The following HIF3A variants were observed in gnomAD, a reference collection of about 807,000 sequenced individuals.
HIF3A encodes hypoxia inducible factor 3 subunit alpha.
Under a neutral mutation model 67.2 loss-of-function variants are expected in HIF3A, and 41 were observed. The ratio of observed to expected loss-of-function variants is 0.61; its 90% CI spans 0.48 to 0.79. The LOEUF is 0.79. HIF3A is among the 30% of genes least tolerant of loss of function. The pLI is 0.00. For synonymous variants in HIF3A, 356 were observed against 374.8 expected (o/e 0.95, Z 0.58); for missense variants, 855 against 898.0 (o/e 0.95, Z 0.61).
rs1403618994 is a variant in HIF3A, at chr19:46,332,396, C to T, written c.1830+1123C>T. 3.3e-5 allele frequency among the ~76,000 whole-genome samples: 5 copies of T among 151,844 alleles called. No homozygotes were observed. In the East Asian group the frequency reaches 5.8e-4, roughly 18 times the overall value. ...AAAAAAAAAAAAATTAAAATTTAAG[C>T]GGGTGTGGTGGCATGTGCCTGTAGT... On this transcript the variant is annotated intron_variant, in intron 13 of 14. Coordinates refer to ENST00000377670, the MANE Select transcript of HIF3A (RefSeq NM_152795.4).
intron 7 of HIF3A, 63 bp downstream of exon 7, chr19:46,312,330 A>AC (rs1449235057): frequency 1.2e-6 from 2 of 1,611,668 alleles, no homozygotes; most frequent in African/African-American, 1.3e-5. Flanking sequence ...TGACACCAGG[A>AC]CCCCCCAGCT....
At chr19:46,333,253 G>A (rs914129493) in intron 13 of HIF3A, among the ~76,000 whole-genome samples, 2 of 152,122 alleles carry the variant, frequency 1.3e-5, no homozygotes, top group African/African-American at 4.8e-5. Flanking sequence ...CACACTCAGA[G>A]GGAGTGTTGA....
At chr19:46,328,896 CT>C (rs1182634242) in intron 11 of HIF3A, among the ~76,000 whole-genome samples, 1 of 151,900 alleles carries the variant, frequency 6.6e-6, no homozygotes, top group Non-Finnish European at 1.5e-5. Context: ...AATTTTTTTC[CT>C]TTTTTGTGTA....
intron 6 of HIF3A, among the ~76,000 whole-genome samples, chr19:46,309,757 G>A (rs577468887): frequency 1.1e-3 from 170 of 152,112 alleles, no homozygotes; most frequent in Admixed American, 3.3e-3. Flanking sequence ...GTGTCAAGCA[G>A]TTAATATGGT....
chr19:46,301,040 A>G (rs1968285070), intron 1 of HIF3A, among the ~76,000 whole-genome samples: 1 of 151,926 alleles, frequency 6.6e-6, no homozygotes, highest in African/African-American at 2.4e-5. Context: ...GGGCAGGAAG[A>G]CAAACAGGGC....
At chr19:46,304,999 C>T in intron 2 of HIF3A, 1 of 616,034 alleles carries the variant, frequency 1.6e-6, no homozygotes, top group Non-Finnish European at 2.9e-6. Flanking sequence ...GAATTCTGTT[C>T]CCTTGGGAGA....
chr19:46,339,728 T>C lies in HIF3A; in HGVS notation c.*106T>C. 1 of 717,112 alleles carries C rather than the reference T, an allele frequency of 1.4e-6. No homozygotes were observed. Among genetic ancestry groups the C allele is most frequent in the Non-Finnish European group, 2.2e-6 (1 of 452,292 alleles). 44.4% of individuals were successfully genotyped at this position (717,112 alleles called of 1,614,324 possible). A position where few individuals can be genotyped will look rare whatever the true frequency, so the allele number is the denominator to read the frequency against. ...ATGGGGGCGCCAGGAGAGGGGCCCC[T>C]CTCTCCTCTATGTACCCCCTGCCCA... is the stretch of plus-strand genomic sequence containing the variant. On this transcript the variant is annotated 3_prime_UTR_variant, in exon 15 of 15. Coordinates refer to ENST00000377670, the MANE Select transcript of HIF3A (RefSeq NM_152795.4).
At chr19:46,318,020 G>A (rs572634592) in intron 8 of HIF3A, among the ~76,000 whole-genome samples, 2 of 152,096 alleles carry the variant, frequency 1.3e-5, no homozygotes, top group South Asian at 4.2e-4. Context: ...ATTTTTAGTA[G>A]AGATGGGGTT....
chr19:46,331,461 A>G, intron 13 of HIF3A, 188 bp downstream of exon 13: 1 of 305,186 alleles, frequency 3.3e-6, no homozygotes, highest in Non-Finnish European at 6.5e-6. Context: ...CTCTGCAGTG[A>G]ACTGAGATTG....
At chr19:46,312,914 G>A (rs150647253) in intron 8 of HIF3A, 85 of 824,062 alleles carry the variant, frequency 1.0e-4, no homozygotes, top group East Asian at 2.4e-4. Context: ...TTTTTTTTGC[G>A]TGAACCTCTG....
intron 6 of HIF3A, among the ~76,000 whole-genome samples, chr19:46,311,559 C>G (rs1212603464): frequency 3.9e-5 from 6 of 152,156 alleles, no homozygotes; most frequent in Non-Finnish European, 1.5e-5. Context: ...ATCCATCTCC[C>G]TATCTCAAGA....
Position 46,312,307 on chromosome 19 carries a change from C to T in HIF3A, c.877+40C>T, listed in dbSNP as rs768560350. On this transcript the variant is annotated intron_variant, in intron 7 of 14. Transcript: ENST00000377670. ...TCCCCAGGTGCGAAGCCAGCTGCCA[C>T]ATGGCCCCCAGCTGACACCAGGACC... 8 of 1,613,692 alleles carry T rather than the reference C, an allele frequency of 5.0e-6. No individual in the cohort carries two copies. The African/African-American group carries it at 1.1e-4, about 22-fold the overall frequency.
intron 8 of HIF3A, 73 bp downstream of exon 8, chr19:46,312,726 T>TGTGTGTGTGC: frequency 1.3e-6 from 2 of 1,508,042 alleles, no homozygotes; most frequent in South Asian, 2.7e-5. Context: ...TGTGTGTGTG[T>TGTGTGTGTGC]GTGTGTGTGT....
intron 9 of HIF3A, among the ~76,000 whole-genome samples, chr19:46,321,199 G>A (rs1675036807): frequency 6.6e-6 from 1 of 152,270 alleles, no homozygotes; most frequent in South Asian, 2.1e-4. Flanking sequence ...TAAGGTGAAA[G>A]CTCCCCAGAG....
At chr19:46,329,675 G>A (rs1427934161) in intron 12 of HIF3A, among the ~76,000 whole-genome samples, 197 bp downstream of exon 12, 1 of 152,166 alleles carries the variant, frequency 6.6e-6, no homozygotes, top group Non-Finnish European at 1.5e-5. Flanking sequence ...CTTCTGGAGT[G>A]CCCTCCACTG....
intron 1 of HIF3A, among the ~76,000 whole-genome samples, chr19:46,301,547 C>T (rs993151464): frequency 2.0e-5 from 3 of 152,148 alleles, no homozygotes; most frequent in Non-Finnish European, 4.4e-5. Context: ...CCCCCTCCGC[C>T]GGGCATGGTG....
In HIF3A at chr19:46,329,480, T is replaced by A. The variant is rs1328055589; in HGVS notation, c.1712+2T>A. 6.6e-7 allele frequency: 1 copy of A among 1,508,290 alleles called. No individual in the cohort carries two copies. The highest frequency in any genetic ancestry group is 8.9e-7 in the Non-Finnish European group (1 of 1,128,116). 93.4% of individuals were successfully genotyped at this position (1,508,290 alleles called of 1,614,324 possible). A position where few individuals can be genotyped will look rare whatever the true frequency, so the allele number is the denominator to read the frequency against. ...TCCCATGGCTGGGGCTCGGAAGAGG[T>A]GAGCCACAGTAAAGGGGGGACATCA... On this transcript the variant is annotated splice_donor_variant, in intron 12 of 14. Transcript: ENST00000377670. LOFTEE classifies it high-confidence loss of function.
chr19:46,312,711 AGGT>A, intron 8 of HIF3A, 58 bp downstream of exon 8: 1 of 1,048,552 alleles, frequency 9.5e-7, no homozygotes, highest in East Asian at 2.8e-5. Flanking sequence ...ATGTGTGGAC[AGGT>A]GTGTGTGTGT....
intron 8 of HIF3A, 118 bp downstream of exon 8, chr19:46,312,771 T>G: frequency 8.2e-6 from 12 of 1,460,768 alleles, no homozygotes; most frequent in Non-Finnish European, 1.1e-5. Context: ...TGCATAAGTG[T>G]ATGTGAGGGA....
Sources: allele counts gnomAD v4.1 joint callset (sites outside exome capture counted in the v4.1 genomes callset), GRCh38; gene constraint gnomAD v4.1.1; transcripts MANE v1.5; gene names NCBI Gene and HGNC (gene_info 2026-07-23, HGNC 2026-07-21).